PREX2: variants seen among roughly 807,000 people sequenced by gnomAD.
PREX2 encodes the protein phosphatidylinositol 3,4,5-trisphosphate-dependent Rac exchanger 2 protein.
PREX2 carries 107 observed loss-of-function variants against 203.2 expected under a neutral mutation model. The ratio of observed to expected loss-of-function variants is 0.53; its 90% confidence interval spans 0.45 to 0.62. The LOEUF (loss-of-function observed/expected upper bound fraction) is 0.62. Ranked by LOEUF, PREX2 falls within the 20% of genes least tolerant of loss-of-function variation. The pLI is 0.00. For missense variants in PREX2, 1,777 were observed against 1,955.9 expected, an observed-to-expected ratio of 0.91 and a Z score of 1.72; for synonymous variants, 672 against 663.6, an observed-to-expected ratio of 1.01 and a Z score of -0.19.
intron 1 of PREX2, among the ~76,000 whole-genome samples, chr8:68,002,458 C>T (rs1169537781): frequency 2.0e-5 from 3 of 152,178 alleles, no homozygotes; most frequent in South Asian, 2.1e-4. Flanking sequence ...CTCCCAAAGG[C>T]GTGAGCCACT....
chr8:68,231,452 A>T lies in PREX2; in HGVS notation c.*74A>T. The T allele has an allele frequency of 8.5e-7, 1 of 1,174,018 alleles. No homozygotes were observed. The highest frequency in any genetic ancestry group is 1.2e-6 in the Non-Finnish European group (1 of 843,140). 72.7% of individuals were successfully genotyped at this position (1,174,018 alleles called of 1,614,324 possible). ...TAGACAAACTACATGCTGGCTAAAC[A>T]TTCTCCACTGAAGATACATCAATGC... On this transcript the variant is annotated 3_prime_UTR_variant, in exon 40 of 40. Transcript: ENST00000288368.
intron 13 of PREX2, among the ~76,000 whole-genome samples, chr8:68,070,884 G>T (rs1406835866): frequency 1.3e-5 from 2 of 152,074 alleles, no homozygotes; most frequent in East Asian, 3.9e-4. Context: ...AATCCTGAAA[G>T]TGCCCTATTT....
At chr8:68,024,775 C>G (rs1375380821) in intron 4 of PREX2, among the ~76,000 whole-genome samples, 1 of 151,790 alleles carries the variant, frequency 6.6e-6, no homozygotes, top group South Asian at 2.1e-4. Flanking sequence ...CATTTTGATT[C>G]CTCTCAATTT....
intron 37 of PREX2, among the ~76,000 whole-genome samples, chr8:68,203,969 C>T (rs954520140): frequency 2.6e-5 from 4 of 152,034 alleles, no homozygotes; most frequent in Admixed American, 1.3e-4. Context: ...ATCTAGAGAA[C>T]GAATAAGAAT....
At chr8:68,198,362 G>A (rs1812440275) in intron 37 of PREX2, among the ~76,000 whole-genome samples, 1 of 151,988 alleles carries the variant, frequency 6.6e-6, no homozygotes, top group East Asian at 1.9e-4. Flanking sequence ...GTTACTTTTT[G>A]CCAAATTGAA....
intron 2 of PREX2, 127 bp downstream of exon 2, chr8:68,018,044 T>G: frequency 1.5e-6 from 1 of 682,352 alleles, no homozygotes; most frequent in Non-Finnish European, 2.6e-6. Flanking sequence ...TTCCAGTCAG[T>G]TGTATTGGTA....
chr8:68,044,370 T>G (rs552194999), intron 7 of PREX2, 117 bp from the exon 8 acceptor site: 34 of 682,278 alleles, frequency 5.0e-5, no homozygotes, highest in African/African-American at 5.0e-4. Flanking sequence ...GAGTCTAATG[T>G]TTGATATTGT....
rs568074264 is a variant in PREX2, at chr8:67,952,197, C to G, written c.-198C>G. On this transcript the variant is annotated 5_prime_UTR_variant, in exon 1 of 40. Coordinates refer to ENST00000288368, the MANE Select transcript of PREX2 (RefSeq NM_024870.4). ...AGTTTCCTCTGCAGAGCCCCGCGCC[C>G]CCCGCGCCGGGATTTCAGCCCGATC... 1.4e-4 allele frequency: 60 copies of G among 418,668 alleles called. No individual in the cohort carries two copies. The highest frequency in any genetic ancestry group is 1.1e-3 in the African/African-American group (52 of 47,804). The allele number at this position is 418,668 out of a possible 1,614,324, so 25.9% of individuals were successfully genotyped here. A position where few individuals can be genotyped will look rare whatever the true frequency, so the allele number is the denominator to read the frequency against.
At chr8:68,190,832 C>A (rs1420300424) in intron 35 of PREX2, among the ~76,000 whole-genome samples, 1 of 151,500 alleles carries the variant, frequency 6.6e-6, no homozygotes, top group Non-Finnish European at 1.5e-5. Context: ...GATACTAGAT[C>A]AAATAAAATG....
chr8:68,085,645 T>G (rs906748877), intron 18 of PREX2, among the ~76,000 whole-genome samples: 1 of 152,208 alleles, frequency 6.6e-6, no homozygotes, highest in Non-Finnish European at 1.5e-5. Context: ...ATAAACGTAA[T>G]TCTTTTTTAA....
chr8:68,040,001 G>A (rs549546007), intron 7 of PREX2, among the ~76,000 whole-genome samples: 132 of 152,124 alleles, frequency 8.7e-4, no homozygotes, highest in African/African-American at 3.1e-3. Flanking sequence ...GCCCTCATTG[G>A]CTTCCTAGAA....
chr8:68,038,699 C>G (rs1172186993), intron 7 of PREX2, among the ~76,000 whole-genome samples: 2 of 152,122 alleles, frequency 1.3e-5, no homozygotes, highest in African/African-American at 4.8e-5. Flanking sequence ...TCTTTCCTCT[C>G]CACTACCTTT....
At chr8:68,003,951 C>T (rs376906842) in intron 1 of PREX2, among the ~76,000 whole-genome samples, 139 of 151,130 alleles carry the variant, frequency 9.2e-4, no homozygotes, top group Admixed American at 2.6e-3. Context: ...CCCGTTCCAG[C>T]GATTCTCCTG....
At chr8:68,003,693 G>A (rs1326785884) in intron 1 of PREX2, among the ~76,000 whole-genome samples, 2 of 152,074 alleles carry the variant, frequency 1.3e-5, no homozygotes, top group Non-Finnish European at 2.9e-5. Flanking sequence ...ACCATTAGCC[G>A]AGTTAACGTT....
At chr8:68,022,551 C>T (rs1367657531) in intron 4 of PREX2, among the ~76,000 whole-genome samples, 2 of 152,132 alleles carry the variant, frequency 1.3e-5, no homozygotes, top group Non-Finnish European at 2.9e-5. Flanking sequence ...CTCCTACATA[C>T]ATTTCTTATT....
In PREX2 at chr8:68,231,472, C is replaced by G; in HGVS notation, c.*94C>G. The G allele has an allele frequency of 1.7e-6, 1 of 592,136 alleles. No homozygotes were observed. The highest frequency in any genetic ancestry group is 2.6e-6 in the Non-Finnish European group (1 of 381,080). 36.7% of individuals were successfully genotyped at this position (592,136 alleles called of 1,614,324 possible). On this transcript the variant is annotated 3_prime_UTR_variant, in exon 40 of 40. Transcript: ENST00000288368. The stretch of plus-strand genomic sequence containing the variant: ...TAAACATTCTCCACTGAAGATACAT[C>G]AATGCTTTTTTTTTTTTTTTTTTCT...
chr8:68,087,703 C>T (rs4382459), intron 18 of PREX2, 21 bp from the exon 19 acceptor site: 158,508 of 1,573,592 alleles, frequency 0.1, 8,699 homozygotes, highest in Admixed American at 0.13. Context: ...TTCATCTTAC[C>T]TTATTTTCTG....
intron 1 of PREX2, among the ~76,000 whole-genome samples, chr8:68,002,155 C>CTT (rs35931451): frequency 1.2e-3 from 164 of 140,094 alleles, no homozygotes; most frequent in African/African-American, 2.5e-3. Context: ...TTCTTTCTTT[C>CTT]TTTTTTTTTT....
intron 15 of PREX2, among the ~76,000 whole-genome samples, 164 bp from the exon 16 acceptor site, chr8:68,080,279 A>G (rs2129611894): frequency 1.0e-5 from 1 of 98,254 alleles, no homozygotes; most frequent in Admixed American, 9.7e-5. Context: ...AATTATAGAA[A>G]GAGAAAAAAA....
Sources: gnomAD v4.1 joint callset for allele counts (sites outside exome capture counted in the v4.1 genomes callset) on GRCh38, gnomAD v4.1.1 for gene constraint, MANE v1.5 for transcripts, NCBI Gene and HGNC (gene_info 2026-07-23, HGNC 2026-07-21) for gene names.